The following SYCP1 variants were observed in gnomAD, a reference collection of about 807,000 sequenced individuals.
SYCP1 encodes the protein cancer/testis antigen 8.
Under a neutral mutation model 153.1 loss-of-function variants are expected in SYCP1, and 64 were observed. That is an observed-to-expected ratio of 0.42 (90% CI 0.34 to 0.51). The LOEUF (loss-of-function observed/expected upper bound fraction) is 0.51. SYCP1 is among the 20% of genes least tolerant of loss of function. SYCP1 has a pLI of 0.06. For synonymous variants in SYCP1, 384 were observed against 341.8 expected (o/e 1.12, Z -1.36); for missense variants, 997 against 1,049.0 (o/e 0.95, Z 0.68).
intron 23 of SYCP1, among the ~76,000 whole-genome samples, chr1:114,930,177 A>G (rs1669532833): frequency 6.6e-6 from 1 of 152,044 alleles, no homozygotes; most frequent in African/African-American, 2.4e-5. Context: ...AAAATTTGTA[A>G]GGTACAAATA....
chr1:114,934,750 T>C lies in SYCP1; in HGVS notation c.1926+8187T>C, dbSNP rs1669878963. Among the ~76,000 whole-genome samples the C allele has an allele frequency of 1.3e-5, 2 of 151,090 alleles. 1 individual carries two copies. The highest frequency in any genetic ancestry group is 4.2e-4 in the South Asian group (2 of 4,798). ...AATGGAAAACAAAAAAAAGCAGGGG[T>C]TGCCATCCCAGTCTCTGATAAAACA... On this transcript the variant is annotated intron_variant, in intron 23 of 31. Coordinates refer to ENST00000369522, the MANE Select transcript of SYCP1 (RefSeq NM_003176.4).
intron 8 of SYCP1, among the ~76,000 whole-genome samples, chr1:114,861,302 A>C (rs901185974): frequency 6.6e-6 from 1 of 152,160 alleles, no homozygotes; most frequent in African/African-American, 2.4e-5. Flanking sequence ...AACAGTTTAA[A>C]AATTTTAAAG....
intron 8 of SYCP1, among the ~76,000 whole-genome samples, chr1:114,861,948 T>G (rs1664407547): frequency 6.6e-6 from 1 of 151,522 alleles, no homozygotes; most frequent in South Asian, 2.1e-4. Flanking sequence ...TACAGGCATG[T>G]GCCACCACAC....
chr1:114,877,452 TG>T (rs1473833088), intron 11 of SYCP1, among the ~76,000 whole-genome samples: 4 of 152,238 alleles, frequency 2.6e-5, no homozygotes, highest in Non-Finnish European at 5.9e-5. Flanking sequence ...CAGTTTTTCT[TG>T]TCTGATTTGC....
At chr1:114,944,512 AGGATTT>A in intron 24 of SYCP1, 57 bp downstream of exon 24, 1 of 1,041,166 alleles carries the variant, frequency 9.6e-7, no homozygotes, top group Non-Finnish European at 1.4e-6. Context: ...TATTTTTATT[AGGATTT>A]TAAGAGGAAA....
chr1:114,951,572 T>C (rs542830559), intron 27 of SYCP1, among the ~76,000 whole-genome samples: 4 of 152,334 alleles, frequency 2.6e-5, no homozygotes, highest in African/African-American at 9.6e-5. Flanking sequence ...GCCAGTGTAG[T>C]TTCTTTTAAT....
intron 4 of SYCP1, 31 bp downstream of exon 4, chr1:114,857,306 T>C: frequency 6.3e-7 from 1 of 1,590,286 alleles, no homozygotes; most frequent in Non-Finnish European, 8.6e-7. Context: ...GTAGATATAA[T>C]CTGTTTAGGT....
At chr1:114,911,046 C>T (rs990696529) in intron 17 of SYCP1, among the ~76,000 whole-genome samples, 2 of 151,774 alleles carry the variant, frequency 1.3e-5, no homozygotes, top group African/African-American at 4.8e-5. Context: ...AAGTATGTTT[C>T]CAGTCCATGA....
chr1:114,992,748 A>G (rs1176571498), intron 30 of SYCP1, among the ~76,000 whole-genome samples: 2 of 151,656 alleles, frequency 1.3e-5, no homozygotes, highest in Non-Finnish European at 3.0e-5. Flanking sequence ...GGATGACACC[A>G]AAAGCACAGG....
chr1:114,912,764 A>G (rs1668264743), intron 18 of SYCP1, among the ~76,000 whole-genome samples: 2 of 152,002 alleles, frequency 1.3e-5, no homozygotes, highest in Non-Finnish European at 2.9e-5. Flanking sequence ...GTATGAAAGG[A>G]TGAGCAAACA....
intron 23 of SYCP1, among the ~76,000 whole-genome samples, chr1:114,933,737 A>G (rs1669793278): frequency 6.6e-6 from 1 of 152,208 alleles, no homozygotes; most frequent in South Asian, 2.1e-4. Context: ...AAACCATGGC[A>G]TGAGAACTAT....
chr1:114,916,365 A>G (rs1327877342), intron 20 of SYCP1, among the ~76,000 whole-genome samples: 1 of 152,128 alleles, frequency 6.6e-6, no homozygotes, highest in Non-Finnish European at 1.5e-5. Context: ...ATTGGATCAT[A>G]GTAATAATGA....
chr1:114,875,723 G>C (rs1366557030), intron 9 of SYCP1, among the ~76,000 whole-genome samples: 1 of 152,166 alleles, frequency 6.6e-6, no homozygotes, highest in Non-Finnish European at 1.5e-5. Flanking sequence ...TTCATGGGGA[G>C]AGGCCTCACA....
At chr1:114,895,372 T>C (rs1330760259) in intron 15 of SYCP1, 76 bp from the exon 16 acceptor site, 2 of 983,700 alleles carry the variant, frequency 2.0e-6, no homozygotes, top group African/African-American at 3.3e-5. Flanking sequence ...TGCGTAGTAT[T>C]ATGCTTGTTC....
At chr1:114,985,235 G>A (rs946954578) in intron 30 of SYCP1, among the ~76,000 whole-genome samples, 10 of 151,862 alleles carry the variant, frequency 6.6e-5, no homozygotes, top group East Asian at 5.8e-4. Context: ...TTATTTAGGC[G>A]TCCCCTCTAT....
rs567631053 is a variant in SYCP1, at chr1:114,915,412, G to A, written c.1718+1367G>A. ...ACTATGCTTTTTCTTGCCTTATTGG[G>A]CATTCTCTAAAAGCAAGGCTTTGTG... On this transcript the variant is annotated intron_variant, in intron 20 of 31. Coordinates refer to ENST00000369522, the MANE Select transcript of SYCP1 (RefSeq NM_003176.4). 7.9e-5 allele frequency among the ~76,000 whole-genome samples: 12 copies of A among 152,276 alleles called. No homozygotes were observed. The South Asian group carries it at 2.5e-3, about 32-fold the overall frequency.
intron 8 of SYCP1, among the ~76,000 whole-genome samples, chr1:114,862,246 A>T (rs1483610988): frequency 6.6e-6 from 1 of 152,216 alleles, no homozygotes; most frequent in African/African-American, 2.4e-5. Flanking sequence ...TAGATATAAA[A>T]AGTGGTGAAA....
intron 27 of SYCP1, among the ~76,000 whole-genome samples, chr1:114,959,235 C>T (rs924645514): frequency 2.6e-5 from 4 of 151,960 alleles, no homozygotes; most frequent in East Asian, 3.9e-4. Flanking sequence ...TGGGTTTCTC[C>T]GTTTATTCCA....
chr1:114,885,456 T>C, intron 12 of SYCP1, 79 bp from the exon 13 acceptor site: 2 of 808,600 alleles, frequency 2.5e-6, no homozygotes, highest in Non-Finnish European at 3.9e-6. Flanking sequence ...GGAAAAAGAC[T>C]AATTGTCACA....
Sources: allele counts gnomAD v4.1 joint callset (sites outside exome capture counted in the v4.1 genomes callset), GRCh38; gene constraint gnomAD v4.1.1; transcripts MANE v1.5; gene names NCBI Gene and HGNC (gene_info 2026-07-23, HGNC 2026-07-21).